Variants in TANGO6 observed in about 807,000 individuals in gnomAD.
TANGO6 encodes transport and Golgi organization protein 6 homolog.
Under a neutral mutation model 114.2 loss-of-function variants are expected in TANGO6, and 90 were observed. The ratio of observed to expected loss-of-function variants is 0.79; its 90% confidence interval spans 0.66 to 0.94. The LOEUF (loss-of-function observed/expected upper bound fraction) is 0.94, where lower values mean the gene tolerates loss of function less well. Ranked by LOEUF, TANGO6 falls within the 40% of genes least tolerant of loss-of-function variation. The pLI, the probability that TANGO6 is intolerant of heterozygous loss-of-function variation, is 0.00. For synonymous variants in TANGO6, 477 were observed against 509.8 expected (o/e 0.94, Z 0.87); for missense variants, 1,274 against 1,315.3 (o/e 0.97, Z 0.49).
intron 4 of TANGO6, among the ~76,000 whole-genome samples, chr16:68,868,758 A>G (rs1962220287): frequency 6.6e-6 from 1 of 151,992 alleles, no homozygotes; most frequent in African/African-American, 2.4e-5. Flanking sequence ...CGGCCTCCCA[A>G]AGTGCTGGGA....
chr16:68,971,727 G>C (rs911228555), intron 14 of TANGO6, among the ~76,000 whole-genome samples: 4 of 151,856 alleles, frequency 2.6e-5, no homozygotes, highest in African/African-American at 9.7e-5. Context: ...TTCCTCTGGG[G>C]TTCAAGCGAT....
At chr16:68,850,561 G>A (rs1961885326) in intron 1 of TANGO6, among the ~76,000 whole-genome samples, 1 of 152,078 alleles carries the variant, frequency 6.6e-6, no homozygotes, top group Non-Finnish European at 1.5e-5. Context: ...TTTATTTCAA[G>A]TCTCTTAAAA....
intron 11 of TANGO6, among the ~76,000 whole-genome samples, chr16:68,913,688 C>G (rs1306932218): frequency 3.3e-5 from 5 of 151,336 alleles, no homozygotes; most frequent in Admixed American, 3.3e-4. Context: ...GGATTAGAGA[C>G]GTAAGCCACT....
At chr16:68,937,326 A>G (rs1380393661) in intron 14 of TANGO6, 3 of 152,236 alleles carry the variant, frequency 2.0e-5, no homozygotes, top group Non-Finnish European at 2.9e-5. Flanking sequence ...TCTCTCATAT[A>G]TGGTCTCTCA....
At chr16:68,970,602 GGTTGCA>G (rs1963692283) in intron 14 of TANGO6, among the ~76,000 whole-genome samples, 1 of 149,796 alleles carries the variant, frequency 6.7e-6, no homozygotes, top group African/African-American at 2.5e-5. Context: ...GGGAGATGGA[GGTTGCA>G]GTGAGCTGAG....
chr16:69,022,912 G>T lies in TANGO6; in HGVS notation c.2927G>T (p.Ser976Ile). 1 of 1,602,604 alleles carries T rather than the reference G, an allele frequency of 6.2e-7. No individual in the cohort carries two copies. The highest frequency in any genetic ancestry group is 8.5e-7 in the Non-Finnish European group (1 of 1,174,548). ...GATCCTGATGGTGCTCACAGGGCCA[G>T]CAGCTTGGCCAACCTTGGGGAGCTG... The part of the protein sequence containing the change: ...VRDPDGAHRA[S>I]SLANLGELCQ... Residue 976 changes from serine (S) to isoleucine (I), a missense_variant, in exon 16 of 18, where the codon AGC (serine) becomes ATC (isoleucine). Physicochemically the swap from Ser to Ile is moderately radical, Grantham distance 142. This residue lies in a region of TANGO6 where 238 missense variants were observed against 252.9 expected (regional missense o/e 0.94). Coordinates refer to ENST00000261778, the MANE Select transcript of TANGO6 (RefSeq NM_024562.2).
chr16:69,048,045 C>T (rs1959889841), intron 17 of TANGO6, among the ~76,000 whole-genome samples: 2 of 151,868 alleles, frequency 1.3e-5, no homozygotes, highest in African/African-American at 4.8e-5. Context: ...CAAGCCAAAC[C>T]TGGAAGCATC....
In TANGO6 at chr16:68,875,117, T is replaced by C. The variant is rs147700320; in HGVS notation, c.995-37T>C. On this transcript the variant is annotated intron_variant, in intron 4 of 17. Transcript: ENST00000261778. ...TTACATGGGACCTTCTGTGGGGAAT[T>C]GCTGTGAGCTGCTAACATCTCTCTC... is the stretch of plus-strand genomic sequence containing the variant. The C allele has an allele frequency of 1.9e-3, 3,029 of 1,572,572 alleles. 21 individuals carry two copies. The Middle Eastern group carries it at 0.029, about 15-fold the overall frequency.
At chr16:69,008,938 G>A (rs920467377) in intron 15 of TANGO6, among the ~76,000 whole-genome samples, 3 of 151,860 alleles carry the variant, frequency 2.0e-5, no homozygotes, top group East Asian at 1.9e-4. Flanking sequence ...CACCGAGCCC[G>A]GCTGAAGTTA....
intron 9 of TANGO6, among the ~76,000 whole-genome samples, chr16:68,906,792 CTT>C (rs35841953): frequency 4.4e-4 from 59 of 132,948 alleles, no homozygotes; most frequent in Non-Finnish European, 4.2e-4. Context: ...GTTTCTTCTT[CTT>C]TTTTTTTTTT....
At position 68,914,836 on chromosome 16, in the gene TANGO6, C is replaced by T. The variant is rs1488524146; in HGVS notation, c.1993-4249C>T. ...GGCAGAAAGGCTACTTCATAGATGG[C>T]AATGATTGTTGGCTATCTCTTTACA... On this transcript the variant is annotated intron_variant, in intron 11 of 17. Coordinates refer to ENST00000261778, the MANE Select transcript of TANGO6 (RefSeq NM_024562.2). Among the ~76,000 whole-genome samples, 5 of 149,922 alleles carry T rather than the reference C, an allele frequency of 3.3e-5. 1 individual carries two copies. Among genetic ancestry groups the T allele is most frequent in the Admixed American group, 3.3e-4 (5 of 15,052 alleles).
chr16:68,879,810 G>T (rs1297269289), intron 6 of TANGO6, among the ~76,000 whole-genome samples: 1 of 151,628 alleles, frequency 6.6e-6, no homozygotes, highest in East Asian at 1.9e-4. Flanking sequence ...TAGAGATGGG[G>T]TTTCACTGTG....
intron 15 of TANGO6, among the ~76,000 whole-genome samples, chr16:69,002,510 A>T (rs950345992): frequency 1.4e-4 from 22 of 152,126 alleles, no homozygotes; most frequent in African/African-American, 4.8e-4. Flanking sequence ...TGATGGTTTT[A>T]TAAGACAGTT....
chr16:68,889,586 C>G (rs1353932066), intron 7 of TANGO6, among the ~76,000 whole-genome samples: 2 of 152,264 alleles, frequency 1.3e-5, no homozygotes, highest in East Asian at 3.9e-4. Flanking sequence ...TGGAAACATC[C>G]ATGTGTAATT....
intron 7 of TANGO6, among the ~76,000 whole-genome samples, chr16:68,892,511 C>CTTTT (rs57046490): frequency 7.2e-6 from 1 of 138,290 alleles, no homozygotes; most frequent in African/African-American, 2.7e-5. Flanking sequence ...TTCAGTCTTT[C>CTTTT]TTTTTTTTTT....
At chr16:68,872,707 C>T (rs1003181968) in intron 4 of TANGO6, among the ~76,000 whole-genome samples, 3 of 148,504 alleles carry the variant, frequency 2.0e-5, no homozygotes, top group Admixed American at 6.8e-5. Context: ...TACCATAGAA[C>T]GGTGGCGCGA....
In TANGO6 at chr16:68,947,949, G is replaced by A. The variant is rs184832987; in HGVS notation, c.2701+17654G>A. On this transcript the variant is annotated intron_variant, in intron 14 of 17. Coordinates refer to ENST00000261778, the MANE Select transcript of TANGO6 (RefSeq NM_024562.2). ...TTGCCTACAGTCACAGAAGTTGGGAGAGTGATGGAGCTGGGATCAAGCCAT... is the reference window on the plus strand; with the variant it reads ...TTGCCTACAGTCACAGAAGTTGGGAAAGTGATGGAGCTGGGATCAAGCCAT... Among the ~76,000 whole-genome samples, 310 of 152,156 alleles carry A rather than the reference G, an allele frequency of 2.0e-3. 2 individuals carry two copies. The highest frequency in any genetic ancestry group is 7.1e-3 in the African/African-American group (296 of 41,512).
intron 7 of TANGO6, among the ~76,000 whole-genome samples, chr16:68,898,741 A>G (rs1462957966): frequency 6.6e-6 from 1 of 152,152 alleles, no homozygotes; most frequent in Non-Finnish European, 1.5e-5. Context: ...CTTGGAAGAT[A>G]AAAACCTATT....
chr16:68,898,545 G>T (rs1051047161), intron 7 of TANGO6, among the ~76,000 whole-genome samples: 4 of 151,900 alleles, frequency 2.6e-5, no homozygotes, highest in African/African-American at 7.3e-5. Flanking sequence ...TCACCATGTT[G>T]CCAAGGCTGT....
Sources: gnomAD v4.1 joint callset for allele counts (sites outside exome capture counted in the v4.1 genomes callset) on GRCh38, gnomAD v4.1.1 for gene constraint, gnomAD v4.1.1 regional missense constraint, MANE v1.5 for transcripts, NCBI Gene and HGNC (gene_info 2026-07-23, HGNC 2026-07-21) for gene names.